ADAMTS17: variants seen among roughly 807,000 people sequenced by gnomAD.
ADAMTS17 encodes ADAM metallopeptidase with thrombospondin type 1 motif 17, also known as A disintegrin and metalloproteinase with thrombospondin motifs 17.
A neutral mutation model predicts 141.5 loss-of-function variants in ADAMTS17; 113 were observed. That is an observed-to-expected ratio of 0.80 (90% CI 0.69 to 0.93). The LOEUF (loss-of-function observed/expected upper bound fraction) is 0.93. ADAMTS17 is among the 40% of genes least tolerant of loss of function. ADAMTS17 has a pLI of 0.00. For missense variants in ADAMTS17, 1,659 were observed against 1,517.9 expected (o/e 1.09, Z -1.54); for synonymous variants, 768 against 630.6 (o/e 1.22, Z -3.27).
chr15:100,336,828 G>A (rs1287988685), intron 2 of ADAMTS17, among the ~76,000 whole-genome samples: 1 of 152,190 alleles, frequency 6.6e-6, no homozygotes, highest in Non-Finnish European at 1.5e-5. Context: ...CATCACAGGA[G>A]TCGTACACGT....
At position 99,973,088 on chromosome 15, in the gene ADAMTS17, G is replaced by A. The variant is rs1055420586; in HGVS notation, c.*1314C>T. Reference sequence around the variant, plus strand: ...CCTGCCCGGCCTCCTTGCAGGTAGGGTGCTACCATCCTCTGTGCTCTCAAA... The same window carrying A: ...CCTGCCCGGCCTCCTTGCAGGTAGGATGCTACCATCCTCTGTGCTCTCAAA... On this transcript the variant is annotated 3_prime_UTR_variant, in exon 22 of 22. Coordinates refer to ENST00000268070, the MANE Select transcript of ADAMTS17 (RefSeq NM_139057.4). The A allele has an allele frequency of 6.6e-6, 1 of 152,112 alleles. No individual in the cohort carries two copies. The highest frequency in any genetic ancestry group is 6.6e-5 in the Admixed American group (1 of 15,260). 9.4% of individuals were successfully genotyped at this position (152,112 alleles called of 1,614,324 possible).
intron 18 of ADAMTS17, among the ~76,000 whole-genome samples, chr15:100,010,758 G>T (rs796608999): frequency 1.1e-4 from 17 of 152,370 alleles, no homozygotes; most frequent in African/African-American, 4.1e-4. Flanking sequence ...AAAGGAGTGA[G>T]GTGAGGAGGT....
chr15:99,986,978 G>T (rs1017890690), intron 20 of ADAMTS17, among the ~76,000 whole-genome samples: 1 of 152,218 alleles, frequency 6.6e-6, no homozygotes, highest in Non-Finnish European at 1.5e-5. Flanking sequence ...ACACGACCCT[G>T]GTTAGGGTTT....
At chr15:100,158,816 A>G (rs2039557126) in intron 8 of ADAMTS17, among the ~76,000 whole-genome samples, 1 of 152,216 alleles carries the variant, frequency 6.6e-6, no homozygotes, top group Non-Finnish European at 1.5e-5. Flanking sequence ...TAAAGACTTG[A>G]GAAGACGTTT....
chr15:100,228,196 T>C (rs2042369408), intron 7 of ADAMTS17, among the ~76,000 whole-genome samples: 1 of 152,222 alleles, frequency 6.6e-6, no homozygotes, highest in Non-Finnish European at 1.5e-5. Context: ...GGCTGACTCC[T>C]TCTCACAGTT....
chr15:100,245,637 C>A (rs895389467), intron 7 of ADAMTS17, among the ~76,000 whole-genome samples: 1 of 152,222 alleles, frequency 6.6e-6, no homozygotes, highest in African/African-American at 2.4e-5. Context: ...TGAACTTGGT[C>A]CCCTGGGGCA....
intron 8 of ADAMTS17, 61 bp downstream of exon 8, chr15:100,199,257 G>T: frequency 6.8e-7 from 1 of 1,467,198 alleles, no homozygotes; most frequent in South Asian, 1.1e-5. Flanking sequence ...GAATTCAAGT[G>T]AAAAATCTGC....
Position 100,235,114 on chromosome 15 carries a change from C to T in ADAMTS17, c.1075+19022G>A, listed in dbSNP as rs371104006. Reference sequence around the variant, plus strand: ...CGATTCGAGAACAGGAAGGCAGACGCGGGCCCACGATGAGATAGGATGCAG... The same window carrying T: ...CGATTCGAGAACAGGAAGGCAGACGTGGGCCCACGATGAGATAGGATGCAG... On this transcript the variant is annotated intron_variant, in intron 7 of 21. Transcript: ENST00000268070. Among the ~76,000 whole-genome samples the T allele has an allele frequency of 5.9e-5, 9 of 152,116 alleles. No individual in the cohort carries two copies. In the South Asian group the frequency reaches 6.2e-4, roughly 11 times the overall value.
chr15:100,134,993 C>A (rs1012742415), intron 10 of ADAMTS17, among the ~76,000 whole-genome samples: 1 of 152,180 alleles, frequency 6.6e-6, no homozygotes, highest in Non-Finnish European at 1.5e-5. Context: ...CTCTTTGAGA[C>A]TGTGGTGTCT....
rs534270404 is a variant in ADAMTS17 at position 99,997,750 on chromosome 15, G to A, written c.2592-161C>T. The stretch of plus-strand genomic sequence containing the variant: ...ACCCTGGACATAACTCAGAGTATCG[G>A]CACAGAGGGAGTGACTTGAGTGGTC... On this transcript the variant is annotated intron_variant, in intron 18 of 21. Coordinates refer to ENST00000268070, the MANE Select transcript of ADAMTS17 (RefSeq NM_139057.4). This position sits in a 1 kb window ranked among gnomAD's most constrained non-coding sequence, Gnocchi z 4.7. Among the ~76,000 whole-genome samples, 59 of 152,342 alleles carry A rather than the reference G, an allele frequency of 3.9e-4. No individual in the cohort carries two copies. Among genetic ancestry groups the A allele is most frequent in the African/African-American group, 1.1e-3 (45 of 41,574 alleles).
intron 8 of ADAMTS17, among the ~76,000 whole-genome samples, chr15:100,166,779 T>C (rs879703031): frequency 8.5e-5 from 13 of 152,376 alleles, no homozygotes; most frequent in Admixed American, 6.5e-4. Context: ...ATTCTTGATC[T>C]AGAAGGCTGG....
rs59400428 is a variant in ADAMTS17, at chr15:100,030,061, T to A, written c.2591+18796A>T. On this transcript the variant is annotated intron_variant, in intron 18 of 21. Coordinates refer to ENST00000268070, the MANE Select transcript of ADAMTS17 (RefSeq NM_139057.4). Reference sequence around the variant, plus strand: ...GGCCTGAGCCTTGCTTCGGATCAGCTCTCTGAGAGGTGCTGGCCCCCAGAT... The same window carrying A: ...GGCCTGAGCCTTGCTTCGGATCAGCACTCTGAGAGGTGCTGGCCCCCAGAT... 8.7e-3 allele frequency among the ~76,000 whole-genome samples: 1,320 copies of A among 152,244 alleles called. 26 individuals are homozygous for A. Among genetic ancestry groups the A allele is most frequent in the African/African-American group, 0.03 (1,263 of 41,542 alleles).
chr15:100,208,422 G>A (rs1019998470), intron 7 of ADAMTS17, among the ~76,000 whole-genome samples: 3 of 152,190 alleles, frequency 2.0e-5, no homozygotes, highest in Admixed American at 1.3e-4. Flanking sequence ...GGCTGTGGCT[G>A]GGACGGGGCC....
intron 19 of ADAMTS17, among the ~76,000 whole-genome samples, chr15:99,996,990 ACT>A (rs1644585343): frequency 6.6e-6 from 1 of 152,080 alleles, no homozygotes; most frequent in African/African-American, 2.4e-5. Context: ...CTGGCATCTG[ACT>A]CTCGTAATCT....
intron 15 of ADAMTS17, among the ~76,000 whole-genome samples, chr15:100,073,684 G>A (rs1260373221): frequency 1.4e-5 from 2 of 146,068 alleles, no homozygotes; most frequent in African/African-American, 5.1e-5. Flanking sequence ...AACACCGCAT[G>A]TTCTCACTCA....
chr15:100,245,126 T>G lies in ADAMTS17; in HGVS notation c.1075+9010A>C, dbSNP rs568099030. Among the ~76,000 whole-genome samples the G allele has an allele frequency of 5.3e-5, 8 of 152,234 alleles. No individual in the cohort carries two copies. The South Asian group carries it at 1.7e-3, about 32-fold the overall frequency. On this transcript the variant is annotated intron_variant, in intron 7 of 21. Transcript: ENST00000268070. ...AGAGAACAAGAGACACTCCTTCTAC[T>G]CTTGTCACACTGAAGCTGTGGAAGA... is the stretch of plus-strand genomic sequence containing the variant.
chr15:100,246,675 G>C (rs898387360), intron 7 of ADAMTS17, among the ~76,000 whole-genome samples: 8 of 152,132 alleles, frequency 5.3e-5, no homozygotes, highest in African/African-American at 1.7e-4. Flanking sequence ...TCATTTGAAG[G>C]AGTCATTTGC....
chr15:100,223,666 C>T (rs1567383032), intron 7 of ADAMTS17, among the ~76,000 whole-genome samples: 1 of 150,980 alleles, frequency 6.6e-6, no homozygotes, highest in Non-Finnish European at 1.5e-5. Flanking sequence ...CACACACACC[C>T]ACAGACACAC....
chr15:100,314,780 C>A (rs1255803635), intron 3 of ADAMTS17, among the ~76,000 whole-genome samples: 3 of 152,198 alleles, frequency 2.0e-5, no homozygotes, highest in African/African-American at 7.2e-5. Flanking sequence ...TGCCTGCAGC[C>A]AGCCACAAAG....
Sources: allele counts gnomAD v4.1 joint callset (sites outside exome capture counted in the v4.1 genomes callset), GRCh38; gene constraint gnomAD v4.1.1; non-coding constraint Gnocchi (gnomAD v3.1); transcripts MANE v1.5; gene names NCBI Gene and HGNC (gene_info 2026-07-23, HGNC 2026-07-21).